SAMD5: variants seen among roughly 807,000 people sequenced by gnomAD.
SAMD5 encodes the protein sterile alpha motif domain containing 5, also known as sterile alpha motif domain-containing protein 5.
SAMD5 carries 13 observed loss-of-function variants against 11.3 expected under a neutral mutation model. That is an observed-to-expected ratio of 1.15 (90% CI 0.75 to 1.83). The LOEUF (loss-of-function observed/expected upper bound fraction) is 1.83, where lower values mean the gene tolerates loss of function less well. Among genes scored for constraint, SAMD5 ranks in the 40% most tolerant of loss-of-function variants. The pLI, the probability that SAMD5 is intolerant of heterozygous loss-of-function variation, is 0.00. For missense variants in SAMD5, 255 were observed against 239.1 expected, an observed-to-expected ratio of 1.07 and a Z score of -0.44; for synonymous variants, 129 against 111.3, an observed-to-expected ratio of 1.16 and a Z score of -1.00.
chr6:147,563,375 G>A (rs1168615664), intron 1 of SAMD5, among the ~76,000 whole-genome samples: 1 of 152,156 alleles, frequency 6.6e-6, no homozygotes, highest in African/African-American at 2.4e-5. Context: ...GGCTTGGAGA[G>A]GTTGCAGAGA....
chr6:147,902,384 T>A, the SAMD5 span, among the ~76,000 whole-genome samples: 1 of 152,050 alleles, frequency 6.6e-6, no homozygotes, highest in Admixed American at 6.6e-5. Context: ...TTGTTCCGCA[T>A]CTTCTTAGGG....
chr6:147,539,309 A>T (rs955604037), intron 1 of SAMD5, among the ~76,000 whole-genome samples: 1 of 152,174 alleles, frequency 6.6e-6, no homozygotes, highest in Non-Finnish European at 1.5e-5. Context: ...GTCGCGGGCG[A>T]GGATGTTTCC....
At chr6:147,951,153 CCTTGTTT>C in the SAMD5 span, among the ~76,000 whole-genome samples, 40 of 151,232 alleles carry the variant, frequency 2.6e-4, no homozygotes, top group African/African-American at 9.7e-4. Context: ...TTTCACCTTT[CCTTGTTT>C]CTTGTTTCTT....
the SAMD5 span, among the ~76,000 whole-genome samples, chr6:147,764,785 ATTTCTT>A: frequency 6.6e-6 from 1 of 152,220 alleles, no homozygotes; most frequent in East Asian, 1.9e-4. Flanking sequence ...ACATGGCCTC[ATTTCTT>A]TTTTTCTGTT....
the SAMD5 span, among the ~76,000 whole-genome samples, chr6:147,838,602 T>C: frequency 4.8e-5 from 7 of 145,258 alleles, no homozygotes; most frequent in African/African-American, 1.3e-4. Flanking sequence ...TTTTTGTTCC[T>C]TGATGCAATT....
the SAMD5 span, among the ~76,000 whole-genome samples, chr6:147,925,995 T>G: frequency 6.6e-6 from 1 of 152,246 alleles, no homozygotes; most frequent in African/African-American, 2.4e-5. Flanking sequence ...AGCCCATCCA[T>G]CTTCCTGCAA....
At chr6:147,833,186 G>T in the SAMD5 span, among the ~76,000 whole-genome samples, 4 of 152,136 alleles carry the variant, frequency 2.6e-5, no homozygotes, top group Admixed American at 2.6e-4. Context: ...AGGCTGTGTG[G>T]CTCTTTATGC....
the SAMD5 span, among the ~76,000 whole-genome samples, chr6:147,861,377 G>A: frequency 6.6e-6 from 1 of 151,954 alleles, no homozygotes; most frequent in Non-Finnish European, 1.5e-5. Flanking sequence ...TATTCGCCAG[G>A]CTAGTCTTGA....
At chr6:147,716,029 C>G (rs1562358599) in intron 1 of SAMD5, among the ~76,000 whole-genome samples, 1 of 152,212 alleles carries the variant, frequency 6.6e-6, no homozygotes, top group Non-Finnish European at 1.5e-5. Context: ...TCCCCTTAGG[C>G]TTTCAGGCTT....
At chr6:147,631,866 A>T (rs1243990683) in intron 1 of SAMD5, among the ~76,000 whole-genome samples, 1 of 152,174 alleles carries the variant, frequency 6.6e-6, no homozygotes, top group East Asian at 1.9e-4. Context: ...GATTTCCTTG[A>T]GGATAGATTT....
At chr6:147,786,426 C>T in the SAMD5 span, among the ~76,000 whole-genome samples, 1 of 152,130 alleles carries the variant, frequency 6.6e-6, no homozygotes, top group Admixed American at 6.5e-5. Context: ...AAAGTCAAAA[C>T]TTCATTTTGT....
chr6:147,684,187 G>GTTTGTGT (rs1277354631), intron 1 of SAMD5, among the ~76,000 whole-genome samples: 3 of 152,198 alleles, frequency 2.0e-5, no homozygotes, highest in Admixed American at 1.3e-4. Flanking sequence ...CTTTATAAAA[G>GTTTGTGT]TGGATTTCAA....
chr6:147,827,756 A>G, the SAMD5 span, among the ~76,000 whole-genome samples: 1 of 152,064 alleles, frequency 6.6e-6, no homozygotes, highest in Non-Finnish European at 1.5e-5. Context: ...AACTAACAGA[A>G]TTGCTGATTT....
At chr6:147,847,324 C>T in the SAMD5 span, among the ~76,000 whole-genome samples, 5 of 152,194 alleles carry the variant, frequency 3.3e-5, no homozygotes, top group Non-Finnish European at 7.3e-5. Context: ...CTGCTGCTCC[C>T]TGAAGTACAC....
the SAMD5 span, among the ~76,000 whole-genome samples, chr6:147,833,699 C>T: frequency 6.6e-6 from 1 of 152,120 alleles, no homozygotes; most frequent in South Asian, 2.1e-4. Context: ...ATAGTTTTAA[C>T]ATAATTTTTT....
the SAMD5 span, among the ~76,000 whole-genome samples, chr6:147,900,342 CT>C: frequency 6.6e-6 from 1 of 152,214 alleles, no homozygotes; most frequent in African/African-American, 2.4e-5. Flanking sequence ...CCATGATACA[CT>C]CTGAAACATG....
chr6:147,849,176 T>A, the SAMD5 span, among the ~76,000 whole-genome samples: 9 of 151,058 alleles, frequency 6.0e-5, no homozygotes, highest in African/African-American at 2.2e-4. Flanking sequence ...TTTTTTTTTT[T>A]ACAATTCTGG....
the SAMD5 span, among the ~76,000 whole-genome samples, chr6:147,803,131 CTGTGTGTGTGTGTGTGTG>C: frequency 0.017 from 2,331 of 136,818 alleles, 24 homozygotes; most frequent in Non-Finnish European, 0.019. Flanking sequence ...GCCTTCCTTT[CTGTGTGTGTGTGTGTGTG>C]TGTGTGTGTG....
At chr6:147,617,543 T>C (rs1409258829) in intron 1 of SAMD5, among the ~76,000 whole-genome samples, 1 of 152,270 alleles carries the variant, frequency 6.6e-6, no homozygotes, top group Non-Finnish European at 1.5e-5. Context: ...TCCACAGTGC[T>C]TTAAATGGAA....
Sources: allele counts gnomAD v4.1 joint callset (sites outside exome capture counted in the v4.1 genomes callset), GRCh38; gene constraint gnomAD v4.1.1; transcripts MANE v1.5; gene names NCBI Gene and HGNC (gene_info 2026-07-23, HGNC 2026-07-21).